The following RAD54B variants were observed in gnomAD, a reference collection of about 807,000 sequenced individuals.
RAD54B encodes the protein RAD54 homolog B, also known as DNA repair and recombination protein RAD54B.
RAD54B carries 78 observed loss-of-function variants against 95.8 expected under a neutral mutation model. That is an observed-to-expected ratio of 0.81 (90% CI 0.68 to 0.98). The LOEUF (loss-of-function observed/expected upper bound fraction) is 0.98, where lower values mean the gene tolerates loss of function less well. Ranked by LOEUF, RAD54B falls within the 50% of genes least tolerant of loss-of-function variation. The probability of loss-of-function intolerance (pLI) is 0.00; values close to 1 mark genes in which losing one functional copy is unlikely to be tolerated. For synonymous variants in RAD54B, 328 were observed against 354.9 expected, an observed-to-expected ratio of 0.92 and a Z score of 0.85; for missense variants, 957 against 1,056.6, an observed-to-expected ratio of 0.91 and a Z score of 1.31.
At chr8:94,436,152 G>GA (rs943875639) in intron 3 of RAD54B, among the ~76,000 whole-genome samples, 1 of 151,690 alleles carries the variant, frequency 6.6e-6, no homozygotes, top group Admixed American at 6.6e-5. Context: ...TCTTAAATGA[G>GA]AAAAAAAGTA....
At chr8:94,435,028 A>G (rs1256330995) in intron 3 of RAD54B, among the ~76,000 whole-genome samples, 2 of 151,956 alleles carry the variant, frequency 1.3e-5, no homozygotes, top group Non-Finnish European at 2.9e-5. Flanking sequence ...CAGTTTCTAC[A>G]TGTCGTTTTC....
intron 3 of RAD54B, among the ~76,000 whole-genome samples, chr8:94,420,759 C>T (rs1172434649): frequency 1.3e-5 from 2 of 151,938 alleles, no homozygotes; most frequent in Non-Finnish European, 2.9e-5. Context: ...CTAAGGTGGG[C>T]GGATCACCTG....
At chr8:94,384,063 A>G (rs6991746) in intron 11 of RAD54B, among the ~76,000 whole-genome samples, 18,662 of 152,220 alleles carry the variant, frequency 0.12, 1,536 homozygotes, top group African/African-American at 0.22. Context: ...GCAAACCAAC[A>G]TGGCACATGT....
intron 1 of RAD54B, among the ~76,000 whole-genome samples, chr8:94,472,814 A>C (rs1001248089): frequency 6.6e-6 from 1 of 152,216 alleles, no homozygotes; most frequent in African/African-American, 2.4e-5. Flanking sequence ...TTTCAACACT[A>C]AATGCGAAGA....
At chr8:94,398,280 T>C (rs1333059344) in intron 8 of RAD54B, among the ~76,000 whole-genome samples, 2 of 152,078 alleles carry the variant, frequency 1.3e-5, no homozygotes, top group Admixed American at 1.3e-4. Context: ...CACAGATCAT[T>C]TTAAAAATCG....
At chr8:94,382,109 C>G (rs1179125070) in intron 11 of RAD54B, among the ~76,000 whole-genome samples, 14 of 125,136 alleles carry the variant, frequency 1.1e-4, no homozygotes, top group Middle Eastern at 4.1e-3. Flanking sequence ...GCAAGACTCC[C>G]TCTCAAAAAA....
chr8:94,404,013 CATT>C (rs1404233075), intron 6 of RAD54B, 61 bp downstream of exon 6: 6 of 1,301,176 alleles, frequency 4.6e-6, no homozygotes, highest in Non-Finnish European at 6.3e-6. Context: ...CTTAGAAAAC[CATT>C]ATTGTGTTAC....
Position 94,391,500 on chromosome 8 carries a change from T to C in RAD54B, c.1809+109A>G, listed in dbSNP as rs368604976. On this transcript the variant is annotated intron_variant, in intron 10 of 14. Coordinates refer to ENST00000336148, the MANE Select transcript of RAD54B (RefSeq NM_012415.3). ...CATACTAGATAGCCAGCAGAGCTTT[T>C]TGAAAACCCACAAATGCAACCTCAG... The C allele has an allele frequency of 8.3e-6, 10 of 1,200,166 alleles. 1 individual carries two copies. The African/African-American group carries it at 1.1e-4, about 13-fold the overall frequency. The allele number at this position is 1,200,166 out of a possible 1,614,324, so 74.3% of individuals were successfully genotyped here.
chr8:94,380,402 C>T lies in RAD54B; in HGVS notation c.1990G>A (p.Val664Met), dbSNP rs954472489. 3 of 1,577,110 alleles carry T rather than the reference C, an allele frequency of 1.9e-6. No homozygotes were observed. The highest frequency in any genetic ancestry group is 8.6e-7 in the Non-Finnish European group (1 of 1,160,922). The stretch of plus-strand genomic sequence containing the variant: ...GTTTGTGTATAGTTGGATACCAACA[C>T]CACCCTGTCAATCAAAAAGAAAGAT... ...IHELRPTEKV[V>M]LVSNYTQTLN... The change falls in exon 12 of 15, where the codon GTG becomes ATG. Residue 664 changes from valine to methionine, a missense_variant. Physicochemically the swap from Val to Met is conservative, Grantham distance 21. Transcript: ENST00000336148.
At chr8:94,430,347 A>C in intron 3 of RAD54B, 4 of 984,144 alleles carry the variant, frequency 4.1e-6, no homozygotes, top group Non-Finnish European at 4.8e-6. Context: ...GTAATTCATA[A>C]TCTGGTATCA....
rs543007722 is a variant in RAD54B at position 94,383,762 on chromosome 8, G to A, written c.1985+3222C>T. 1.5e-4 allele frequency among the ~76,000 whole-genome samples: 23 copies of A among 152,210 alleles called. No homozygotes were observed. In the South Asian group the frequency reaches 4.8e-3, roughly 32 times the overall value. Reference sequence around the variant, plus strand: ...TTCCCAAGGATAAGATAGCCAAAAAGCACATTAAAAGGTGCTCGATATCAC... The same window carrying A: ...TTCCCAAGGATAAGATAGCCAAAAAACACATTAAAAGGTGCTCGATATCAC... On this transcript the variant is annotated intron_variant, in intron 11 of 14. Coordinates refer to ENST00000336148, the MANE Select transcript of RAD54B (RefSeq NM_012415.3).
intron 1 of RAD54B, among the ~76,000 whole-genome samples, chr8:94,473,157 T>A (rs988406719): frequency 3.3e-5 from 5 of 152,176 alleles, no homozygotes; most frequent in South Asian, 2.1e-4. Flanking sequence ...CATAATAAAT[T>A]AATTAATTAA....
chr8:94,416,532 GAAAA>G (rs202151789), intron 3 of RAD54B, among the ~76,000 whole-genome samples: 1 of 147,640 alleles, frequency 6.8e-6, no homozygotes, highest in African/African-American at 2.5e-5. Context: ...TAAAAAAAAA[GAAAA>G]AAAAATAAGA....
intron 8 of RAD54B, among the ~76,000 whole-genome samples, chr8:94,396,528 C>T (rs1811150709): frequency 6.6e-6 from 1 of 151,952 alleles, no homozygotes; most frequent in Non-Finnish European, 1.5e-5. Flanking sequence ...GCTTTTTATA[C>T]ACATTTATAT....
intron 8 of RAD54B, among the ~76,000 whole-genome samples, chr8:94,396,290 T>G (rs955822677): frequency 1.3e-5 from 2 of 151,812 alleles, no homozygotes; most frequent in African/African-American, 4.8e-5. Context: ...TCAAGTCAAG[T>G]TGGTGTACTT....
At position 94,415,502 on chromosome 8, in the gene RAD54B, C is replaced by A. The variant is rs879886466; in HGVS notation, c.305-4187G>T. On this transcript the variant is annotated intron_variant, in intron 3 of 14. Transcript: ENST00000336148. ...ACACCAAAAGCAATGGCAACAAAAGCCAAAATTGACAAATGGGATCTAATT... is the reference window on the plus strand; with the variant it reads ...ACACCAAAAGCAATGGCAACAAAAGACAAAATTGACAAATGGGATCTAATT... 7.6e-3 allele frequency among the ~76,000 whole-genome samples: 1,086 copies of A among 143,296 alleles called. 24 individuals carry two copies. Among genetic ancestry groups the A allele is most frequent in the Admixed American group, 0.038 (535 of 14,068 alleles). The allele number at this position is 143,296 out of a possible 152,430, so 94.0% of individuals were successfully genotyped here.
chr8:94,433,007 T>A (rs1402553930), intron 3 of RAD54B, among the ~76,000 whole-genome samples: 1 of 152,106 alleles, frequency 6.6e-6, no homozygotes, highest in Non-Finnish European at 1.5e-5. Context: ...TCAAATGGTG[T>A]ACAGAGCCAT....
chr8:94,453,373 A>G (rs1350495957), intron 3 of RAD54B, among the ~76,000 whole-genome samples: 1 of 152,112 alleles, frequency 6.6e-6, no homozygotes, highest in Non-Finnish European at 1.5e-5. Context: ...TACTAAAAAT[A>G]CAAAAAAATT....
chr8:94,432,391 C>G (rs1812125136), intron 3 of RAD54B: 1 of 1,550,286 alleles, frequency 6.5e-7, no homozygotes, highest in African/African-American at 1.4e-5. Context: ...AAAAAATCAT[C>G]TCTCCTTGGA....
Sources: allele counts gnomAD v4.1 joint callset (sites outside exome capture counted in the v4.1 genomes callset), GRCh38; gene constraint gnomAD v4.1.1; transcripts MANE v1.5; gene names NCBI Gene and HGNC (gene_info 2026-07-23, HGNC 2026-07-21).